The following MYOF variants were observed in gnomAD, a reference collection of about 807,000 sequenced individuals.
The protein encoded by MYOF is myoferlin.
A neutral mutation model predicts 284.2 loss-of-function variants in MYOF; 244 were observed. The ratio of observed to expected loss-of-function variants is 0.86; its 90% CI spans 0.77 to 0.95. The LOEUF (loss-of-function observed/expected upper bound fraction) is 0.95. MYOF is among the 40% of genes least tolerant of loss of function. The probability of loss-of-function intolerance (pLI) is 0.00; values close to 1 mark genes in which losing one functional copy is unlikely to be tolerated. For synonymous variants in MYOF, 904 were observed against 919.7 expected, an observed-to-expected ratio of 0.98 and a Z score of 0.31; for missense variants, 2,496 against 2,560.6, an observed-to-expected ratio of 0.97 and a Z score of 0.54.
At chr10:93,441,212 A>T (rs1381052150) in intron 3 of MYOF, among the ~76,000 whole-genome samples, 1 of 152,204 alleles carries the variant, frequency 6.6e-6, no homozygotes, top group Admixed American at 6.5e-5. Context: ...GTCAGAAATG[A>T]GCTTTATAAC....
intron 1 of MYOF, among the ~76,000 whole-genome samples, chr10:93,466,695 C>T (rs1054360854): frequency 1.3e-5 from 2 of 152,182 alleles, no homozygotes; most frequent in African/African-American, 4.8e-5. Flanking sequence ...ACAAGGGAGG[C>T]TGGGCGCAGT....
chr10:93,461,888 T>C (rs1014646265), intron 1 of MYOF, among the ~76,000 whole-genome samples: 3 of 152,196 alleles, frequency 2.0e-5, no homozygotes, highest in African/African-American at 7.2e-5. Flanking sequence ...ATTCTCCCAA[T>C]GCATGTTCCT....
intron 7 of MYOF, among the ~76,000 whole-genome samples, chr10:93,406,997 C>A (rs1314888373): frequency 6.6e-6 from 1 of 152,084 alleles, no homozygotes; most frequent in African/African-American, 2.4e-5. Context: ...TTGGCCAAGA[C>A]TCTGAAAAGT....
chr10:93,429,174 G>C (rs1218795385), intron 4 of MYOF, among the ~76,000 whole-genome samples: 2 of 152,110 alleles, frequency 1.3e-5, no homozygotes, highest in Admixed American at 6.5e-5. Flanking sequence ...TGCAAGGTCT[G>C]GTTATTAAAA....
chr10:93,323,223 GTCCCCAGCCCAGTGTA>G, intron 47 of MYOF, 31 bp downstream of exon 47: 1 of 1,613,304 alleles, frequency 6.2e-7, no homozygotes, highest in Admixed American at 1.7e-5. Context: ...CCTGGACCAA[GTCCCCAGCCCAGTGTA>G]TGTATCAGGG....
chr10:93,445,317 GGT>G (rs949902812), intron 3 of MYOF, among the ~76,000 whole-genome samples: 2 of 152,178 alleles, frequency 1.3e-5, no homozygotes, highest in African/African-American at 2.4e-5. Flanking sequence ...CATCATATGA[GGT>G]GTGTGTGAGG....
intron 1 of MYOF, among the ~76,000 whole-genome samples, chr10:93,481,576 C>T (rs1360674338): frequency 2.0e-5 from 3 of 152,186 alleles, no homozygotes; most frequent in Admixed American, 6.5e-5. Flanking sequence ...AGCTCCCCAA[C>T]AGTTTAGATA....
Position 93,366,424 on chromosome 10 carries a change from C to T in MYOF, c.2721G>A (p.Trp907Ter). The T allele has an allele frequency of 6.2e-7, 1 of 1,613,858 alleles. No individual in the cohort carries two copies. The highest frequency in any genetic ancestry group is 8.5e-7 in the Non-Finnish European group (1 of 1,179,954). Residue 907 changes from tryptophan to a stop codon, truncating the protein, a stop_gained, in exon 26 of 54, where the codon TGG (tryptophan) becomes TGA (stop). Coordinates refer to ENST00000359263, the MANE Select transcript of MYOF (RefSeq NM_013451.4). LOFTEE classifies it high-confidence loss of function. The stretch of plus-strand genomic sequence containing the variant: ...CAGGATCAACTATCCACTCTCCTTC[C>T]CATTCCCAGCCTTTTGGAGGCAGAA... ...EFFLPPKGWEWEGEWIVDPER... is the reference protein window; with the variant it reads ...EFFLPPKGWE
intron 26 of MYOF, among the ~76,000 whole-genome samples, chr10:93,366,050 C>G (rs1845311391): frequency 6.6e-6 from 1 of 152,142 alleles, no homozygotes; most frequent in Non-Finnish European, 1.5e-5. Flanking sequence ...GACGGGGGAC[C>G]TTGTTCGCTT....
chr10:93,332,172 C>A (rs564092851), intron 43 of MYOF, among the ~76,000 whole-genome samples: 1 of 151,894 alleles, frequency 6.6e-6, no homozygotes, highest in Non-Finnish European at 1.5e-5. Flanking sequence ...CAGACCGTGG[C>A]GTGCCACACA....
At chr10:93,364,097 A>G in intron 26 of MYOF, 22 bp from the exon 27 acceptor site, 1 of 1,607,112 alleles carries the variant, frequency 6.2e-7, no homozygotes, top group Non-Finnish European at 8.5e-7. Context: ...GGAGGGCTCA[A>G]GTTACCCAAG....
At chr10:93,338,335 C>A (rs905524462) in intron 39 of MYOF, 1 of 457,354 alleles carries the variant, frequency 2.2e-6, no homozygotes, top group African/African-American at 2.0e-5. Context: ...TAATACAATA[C>A]TCACTAGCTA....
intron 7 of MYOF, among the ~76,000 whole-genome samples, chr10:93,408,188 C>G (rs1335031399): frequency 6.6e-6 from 1 of 151,906 alleles, no homozygotes; most frequent in African/African-American, 2.4e-5. Flanking sequence ...TGGATCTTCA[C>G]ATCATTTAGC....
rs372347097 is a variant in MYOF at position 93,374,922 on chromosome 10, G to T, written c.2142C>A (p.Asn714Lys). Residue 714 changes from asparagine (N) to lysine (K), a missense_variant, in exon 23 of 54, where the codon AAC (asparagine) becomes AAA (lysine). Asn to Lys is a moderately conservative substitution (Grantham distance 94). Around this residue, in one of 3 missense-constraint regions of MYOF, gnomAD observed 2,436 missense variants for 2,480.7 expected, o/e 0.98. Transcript: ENST00000359263. ...YTLPLTEGKANVTVLDTQIRK... is the reference protein window; with the variant it reads ...YTLPLTEGKAKVTVLDTQIRK... ...GGATCTGAGTATCGAGAACTGTGAC[G>T]TTGGCTTTTCCTTCTGTGAGAGGCA... 1 of 1,613,694 alleles carries T rather than the reference G, an allele frequency of 6.2e-7. No individual in the cohort carries two copies. Among genetic ancestry groups the T allele is most frequent in the African/African-American group, 1.3e-5 (1 of 74,908 alleles).
Position 93,482,261 on chromosome 10 carries a change from TCGCACCG to T in MYOF, c.-74_-68del. ...GAGACTAGGGCGCTGGAGCTCCGGG[TCGCACCG>T]CCCTGGGAGAGAAGTTCTCTCCCAG... On this transcript the variant is annotated 5_prime_UTR_variant, in exon 1 of 54. Coordinates refer to ENST00000359263, the MANE Select transcript of MYOF (RefSeq NM_013451.4). 1 of 1,349,470 alleles carries T rather than the reference TCGCACCG, an allele frequency of 7.4e-7. No homozygotes were observed. The highest frequency in any genetic ancestry group is 1.2e-5 in the South Asian group (1 of 82,452). The allele number at this position is 1,349,470 out of a possible 1,614,324, so 83.6% of individuals were successfully genotyped here. A position where few individuals can be genotyped will look rare whatever the true frequency, so the allele number is the denominator to read the frequency against.
chr10:93,370,537 A>G (rs1295920612), intron 24 of MYOF, among the ~76,000 whole-genome samples: 1 of 151,364 alleles, frequency 6.6e-6, no homozygotes, highest in Non-Finnish European at 1.5e-5. Flanking sequence ...TGGGTCTTAA[A>G]CTCCTGAACT....
chr10:93,314,203 C>T (rs531375827), intron 50 of MYOF, among the ~76,000 whole-genome samples: 1 of 152,290 alleles, frequency 6.6e-6, no homozygotes, highest in South Asian at 2.1e-4. Context: ...ATTCTCATGC[C>T]TCAGCCTCCC....
chr10:93,340,103 G>A (rs1180571220), intron 39 of MYOF, 50 bp downstream of exon 39: 1 of 1,604,852 alleles, frequency 6.2e-7, no homozygotes, highest in Non-Finnish European at 8.5e-7. Context: ...AAAAATTCTG[G>A]GCAGAAAATA....
chr10:93,338,081 C>T (rs747144505), intron 39 of MYOF, among the ~76,000 whole-genome samples, 168 bp from the exon 40 acceptor site: 1 of 151,046 alleles, frequency 6.6e-6, no homozygotes, highest in Non-Finnish European at 1.5e-5. Flanking sequence ...ATTCACGACT[C>T]TCCTACTCAG....
Sources: gnomAD v4.1 joint callset for allele counts (sites outside exome capture counted in the v4.1 genomes callset) on GRCh38, gnomAD v4.1.1 for gene constraint, gnomAD v4.1.1 regional missense constraint, MANE v1.5 for transcripts, NCBI Gene and HGNC (gene_info 2026-07-23, HGNC 2026-07-21) for gene names.